Variants in USP7 observed in about 807,000 individuals in gnomAD.
USP7 encodes the protein ubiquitin C-terminal hydrolase 7.
In USP7, 9 loss-of-function variants were observed where a neutral mutation model predicts 162.9. The observed-to-expected ratio is 0.06, with a 90% CI of 0.03 to 0.10. USP7 has a LOEUF of 0.10. USP7 is among the 10% of genes least tolerant of loss of function. USP7 has a pLI of 1.00. For synonymous variants in USP7, 562 were observed against 475.9 expected (o/e 1.18, Z -2.35); for missense variants, 715 against 1,373.7 (o/e 0.52, Z 7.58).
At chr16:8,908,303 A>C in intron 12 of USP7, 38 bp downstream of exon 12, 2 of 1,518,544 alleles carry the variant, frequency 1.3e-6, no homozygotes, top group Non-Finnish European at 1.8e-6. Context: ...GACCAGCATG[A>C]TGATGAAATC....
intron 1 of USP7, among the ~76,000 whole-genome samples, chr16:8,935,179 A>G (rs1012356477): frequency 6.6e-6 from 1 of 151,928 alleles, no homozygotes; most frequent in African/African-American, 2.4e-5. Flanking sequence ...TGATTTGGCC[A>G]AACACTTGAG....
intron 1 of USP7, among the ~76,000 whole-genome samples, chr16:8,939,483 A>G (rs1898932233): frequency 6.6e-6 from 1 of 152,226 alleles, no homozygotes; most frequent in Non-Finnish European, 1.5e-5. Context: ...TAAAGCTGCT[A>G]TGAAAATATT....
At chr16:8,898,484 C>G (rs369225461) in intron 24 of USP7, 47 bp from the exon 25 acceptor site, 2 of 1,605,704 alleles carry the variant, frequency 1.2e-6, no homozygotes, top group South Asian at 1.1e-5. Flanking sequence ...ACCAAAACCC[C>G]GAGCCTTCTC....
At chr16:8,962,048 T>G (rs1900036824) in intron 1 of USP7, among the ~76,000 whole-genome samples, 1 of 152,220 alleles carries the variant, frequency 6.6e-6, no homozygotes, top group Non-Finnish European at 1.5e-5. Context: ...TATTCAGAGG[T>G]GAACACCAGT....
intron 1 of USP7, among the ~76,000 whole-genome samples, chr16:8,933,323 G>A (rs933738607): frequency 2.0e-5 from 3 of 152,078 alleles, no homozygotes; most frequent in Non-Finnish European, 4.4e-5. Context: ...AAGACGGGAC[G>A]ATCACATAAG....
At position 8,901,195 on chromosome 16, in the gene USP7, G is replaced by A. The variant is rs1348057437; in HGVS notation, c.2087C>T (p.Thr696Met). ...MLFLKMYDPKTRSLNYCGHIY... is the reference protein window; with the variant it reads ...MLFLKMYDPKMRSLNYCGHIY... ...ATGCCCACAGTAATTCAAGCTCCGCGTTTTGGGATCATACATCTTCAAAAA... is the reference window on the plus strand; with the variant it reads ...ATGCCCACAGTAATTCAAGCTCCGCATTTTGGGATCATACATCTTCAAAAA... The change falls in exon 19 of 31, where the codon ACG (threonine) becomes ATG (methionine). Residue 696 changes from threonine (T) to methionine (M), a missense_variant. By Grantham distance (81) the Thr-to-Met change is moderately conservative. Coordinates refer to ENST00000344836, the MANE Select transcript of USP7 (RefSeq NM_003470.3). The A allele has an allele frequency of 6.8e-6, 11 of 1,613,226 alleles. No individual in the cohort carries two copies. The highest frequency in any genetic ancestry group is 1.3e-5 in the African/African-American group (1 of 74,650).
At chr16:8,952,866 T>G (rs1290502265) in intron 1 of USP7, among the ~76,000 whole-genome samples, 1 of 151,592 alleles carries the variant, frequency 6.6e-6, no homozygotes, top group East Asian at 1.9e-4. Flanking sequence ...GGAGTCTCAT[T>G]CTTGTTGTCG....
chr16:8,912,459 A>AG (rs539262417), intron 10 of USP7, among the ~76,000 whole-genome samples: 1 of 151,908 alleles, frequency 6.6e-6, no homozygotes, highest in East Asian at 1.9e-4. Flanking sequence ...CAAAAAAAAA[A>AG]AAAGAAAGAA....
intron 1 of USP7, among the ~76,000 whole-genome samples, chr16:8,938,712 A>G (rs1182636000): frequency 6.7e-6 from 1 of 149,868 alleles, no homozygotes; most frequent in East Asian, 2.0e-4. Context: ...CTCCGTCTCA[A>G]AAAAAAAAAA....
chr16:8,917,516 T>G (rs1897440303), intron 6 of USP7, among the ~76,000 whole-genome samples: 1 of 150,524 alleles, frequency 6.6e-6, no homozygotes, highest in Non-Finnish European at 1.5e-5. Flanking sequence ...GTAGCTGGAA[T>G]TACAGGCACG....
chr16:8,913,530 A>G (rs1308960995), intron 10 of USP7, among the ~76,000 whole-genome samples: 2 of 152,032 alleles, frequency 1.3e-5, no homozygotes, highest in East Asian at 3.9e-4. Flanking sequence ...AGACCGAAGG[A>G]AGGAACCTGC....
intron 2 of USP7, among the ~76,000 whole-genome samples, chr16:8,926,783 C>A (rs988280484): frequency 6.6e-6 from 1 of 152,190 alleles, no homozygotes; most frequent in African/African-American, 2.4e-5. Context: ...ATTTCATTAC[C>A]GCATGCTTCT....
At chr16:8,932,906 A>C (rs1181398680) in intron 1 of USP7, among the ~76,000 whole-genome samples, 1 of 152,104 alleles carries the variant, frequency 6.6e-6, no homozygotes, top group East Asian at 1.9e-4. Context: ...GGAAAAAAAA[A>C]CCAATGAAGG....
chr16:8,947,116 T>C (rs149197080), intron 1 of USP7, among the ~76,000 whole-genome samples: 3 of 152,282 alleles, frequency 2.0e-5, no homozygotes, highest in African/African-American at 7.2e-5. Flanking sequence ...CTCTGTAAGA[T>C]TGGTTTTTTC....
rs374486766 is a variant in USP7 at position 8,899,141 on chromosome 16, C to G, written c.2511G>C (p.Leu837=). Residue 837 remains leucine, a synonymous_variant, in exon 23 of 31, where the codon CTG becomes CTC. Transcript: ENST00000344836. ...CCTACCCTTGAGACTTGAAAAACTG[C>G]AGCAACATTGGATCTGTGTTGAGCC... is the stretch of plus-strand genomic sequence containing the variant. The part of the protein sequence containing the change: ...AQRLNTDPML[L]QFFKSQGYRD... The G allele has an allele frequency of 5.3e-5, 85 of 1,614,052 alleles. No homozygotes were observed. The highest frequency in any genetic ancestry group is 6.4e-5 in the Non-Finnish European group (76 of 1,180,054).
At chr16:8,938,579 G>C (rs1898884882) in intron 1 of USP7, among the ~76,000 whole-genome samples, 1 of 152,072 alleles carries the variant, frequency 6.6e-6, no homozygotes, top group Admixed American at 6.5e-5. Context: ...GGGCACGGTG[G>C]CAGGCACCTG....
intron 1 of USP7, among the ~76,000 whole-genome samples, chr16:8,955,727 C>T (rs1017371475): frequency 1.2e-5 from 1 of 84,060 alleles, no homozygotes; most frequent in Non-Finnish European, 2.8e-5. Flanking sequence ...AAAAAAAAAA[C>T]ATTGCACAGG....
At chr16:8,908,651 G>C (rs2061896908) in intron 11 of USP7, among the ~76,000 whole-genome samples, 1 of 152,172 alleles carries the variant, frequency 6.6e-6, no homozygotes, top group Non-Finnish European at 1.5e-5. Flanking sequence ...TTAAAATAAT[G>C]CTGCACCAGC....
rs556449228 is a variant in USP7 at position 8,962,630 on chromosome 16, G to A, written c.79+577C>T. The A allele has an allele frequency of 1.7e-5, 5 of 290,374 alleles. No homozygotes were observed. In the East Asian group the frequency reaches 3.6e-4, roughly 21 times the overall value. The allele number at this position is 290,374 out of a possible 1,614,324, so 18.0% of individuals were successfully genotyped here. The stretch of plus-strand genomic sequence containing the variant: ...GTGGATTCGGAAACCAACAGCGCCC[G>A]GGTCAGAACTCTGGGCCAGTCCAAA... On this transcript the variant is annotated intron_variant, in intron 1 of 30. Transcript: ENST00000344836.
Sources: gnomAD v4.1 joint callset for allele counts (sites outside exome capture counted in the v4.1 genomes callset) on GRCh38, gnomAD v4.1.1 for gene constraint, MANE v1.5 for transcripts, NCBI Gene and HGNC (gene_info 2026-07-23, HGNC 2026-07-21) for gene names.